HMGB1: variants seen among roughly 807,000 people sequenced by gnomAD.
HMGB1 encodes high mobility group box 1.
For synonymous variants in HMGB1, 81 were observed against 84.0 expected (o/e 0.96, Z 0.19); for missense variants, 79 against 253.5 (o/e 0.31, Z 4.67).
chr13:30,497,218 A>T (rs529928666), intron 1 of HMGB1, among the ~76,000 whole-genome samples: 1 of 152,198 alleles, frequency 6.6e-6, no homozygotes, highest in African/African-American at 2.4e-5. Flanking sequence ...ACTTCGAATG[A>T]TTATGCCGCA....
chr13:30,535,401 T>C (rs908228550), intron 1 of HMGB1, among the ~76,000 whole-genome samples: 1 of 152,238 alleles, frequency 6.6e-6, no homozygotes, highest in Non-Finnish European at 1.5e-5. Flanking sequence ...CATATGTATG[T>C]ATTGCTACTT....
chr13:30,465,203 G>GCCA, intron 1 of HMGB1: 1 of 817,038 alleles, frequency 1.2e-6, no homozygotes, highest in Non-Finnish European at 1.4e-6. Flanking sequence ...GGCCGCCGCC[G>GCCA]CCGCCGCGAC....
At chr13:30,501,762 G>C (rs1464948385) in intron 1 of HMGB1, among the ~76,000 whole-genome samples, 1 of 152,028 alleles carries the variant, frequency 6.6e-6, no homozygotes, top group Non-Finnish European at 1.5e-5. Flanking sequence ...TTCAGATACA[G>C]ATTTTAACCT....
chr13:30,595,137 A>AGT (rs60420672), intron 1 of HMGB1, among the ~76,000 whole-genome samples: 81,712 of 151,852 alleles, frequency 0.54, 24,721 homozygotes, highest in African/African-American at 0.82. Flanking sequence ...TCCTGGTTCT[A>AGT]GTGAGTCTTC....
intron 1 of HMGB1, among the ~76,000 whole-genome samples, chr13:30,535,494 G>T (rs959550009): frequency 6.6e-6 from 1 of 152,152 alleles, no homozygotes; most frequent in Admixed American, 6.5e-5. Context: ...TTTACCATTT[G>T]AAATTCTGGA....
chr13:30,464,482 C>A, intron 1 of HMGB1: 1 of 985,054 alleles, frequency 1.0e-6, no homozygotes, highest in Non-Finnish European at 1.2e-6. Flanking sequence ...GCCCCCCGCC[C>A]CTAGAACTTC....
At chr13:30,526,185 T>G (rs76082642) in intron 1 of HMGB1, among the ~76,000 whole-genome samples, 15,047 of 152,112 alleles carry the variant, frequency 0.099, 864 homozygotes, top group East Asian at 0.19. Context: ...GTCTCCTGAG[T>G]AGCTGGGATT....
chr13:30,581,540 T>A (rs924683141), intron 1 of HMGB1, among the ~76,000 whole-genome samples: 7 of 152,214 alleles, frequency 4.6e-5, no homozygotes, highest in African/African-American at 1.7e-4. Context: ...ACTAAAATAC[T>A]TATCATCTGA....
chr13:30,477,823 C>G (rs549955277), intron 1 of HMGB1, among the ~76,000 whole-genome samples: 1 of 152,258 alleles, frequency 6.6e-6, no homozygotes. Context: ...GACAGACAGC[C>G]TTACCATCCA....
intron 1 of HMGB1, among the ~76,000 whole-genome samples, chr13:30,537,444 A>G (rs2137493795): frequency 6.6e-6 from 1 of 152,110 alleles, no homozygotes; most frequent in East Asian, 1.9e-4. Context: ...AAGAGCCACT[A>G]CCTGCTCCTC....
chr13:30,470,709 C>T (rs1305641838), upstream of HMGB1, among the ~76,000 whole-genome samples: 4 of 151,772 alleles, frequency 2.6e-5, no homozygotes, highest in South Asian at 2.1e-4. Flanking sequence ...AGGGCGGTGG[C>T]GCGATCTTGG....
upstream of HMGB1, among the ~76,000 whole-genome samples, chr13:30,468,479 C>A (rs1405262836): frequency 6.6e-6 from 1 of 152,168 alleles, no homozygotes; most frequent in African/African-American, 2.4e-5. Flanking sequence ...GTCTTGAACT[C>A]TTGACCTCAG....
intron 1 of HMGB1, among the ~76,000 whole-genome samples, chr13:30,504,240 CA>C (rs1055141523): frequency 3.3e-5 from 5 of 152,148 alleles, no homozygotes; most frequent in Admixed American, 2.0e-4. Context: ...CAGCCTGTGA[CA>C]AAAGCTCCAC....
At chr13:30,608,326 A>C (rs1207776770) in intron 1 of HMGB1, among the ~76,000 whole-genome samples, 1 of 152,206 alleles carries the variant, frequency 6.6e-6, no homozygotes, top group East Asian at 1.9e-4. Flanking sequence ...TAATACAATA[A>C]TACATACTGA....
At chr13:30,517,844 G>T (rs1888134717) in intron 1 of HMGB1, among the ~76,000 whole-genome samples, 1 of 152,138 alleles carries the variant, frequency 6.6e-6, no homozygotes, top group Admixed American at 6.5e-5. Flanking sequence ...CAGAATGCTG[G>T]GACAATCAAT....
intron 1 of HMGB1, among the ~76,000 whole-genome samples, chr13:30,501,285 T>C (rs1170892816): frequency 6.6e-5 from 10 of 152,242 alleles, no homozygotes; most frequent in African/African-American, 9.6e-5. Flanking sequence ...TCCATGCATT[T>C]GAATGATTTA....
At chr13:30,504,174 T>A (rs983644242) in intron 1 of HMGB1, among the ~76,000 whole-genome samples, 1 of 152,132 alleles carries the variant, frequency 6.6e-6, no homozygotes, top group Non-Finnish European at 1.5e-5. Context: ...TGGAATGAGA[T>A]GGGTTGGGCC....
intron 1 of HMGB1, among the ~76,000 whole-genome samples, chr13:30,586,885 C>T (rs1566033069): frequency 6.6e-6 from 1 of 152,134 alleles, no homozygotes; most frequent in Non-Finnish European, 1.5e-5. Flanking sequence ...CCAAACCTGT[C>T]CCTACCTCCC....
chr13:30,548,894 G>A (rs534885113), intron 1 of HMGB1, among the ~76,000 whole-genome samples: 114 of 152,328 alleles, frequency 7.5e-4, no homozygotes, highest in Non-Finnish European at 1.5e-3. Flanking sequence ...CAGACAGCTG[G>A]AAGCGGTCCC....
Sources: allele counts gnomAD v4.1 joint callset (sites outside exome capture counted in the v4.1 genomes callset), GRCh38; gene constraint gnomAD v4.1.1; transcripts MANE v1.5; gene names NCBI Gene and HGNC (gene_info 2026-07-23, HGNC 2026-07-21).